The following TNC variants were observed in gnomAD, a reference collection of about 807,000 sequenced individuals.
TNC encodes the protein tenascin.
A neutral mutation model predicts 202.4 loss-of-function variants in TNC; 109 were observed. The observed-to-expected ratio is 0.54, with a 90% CI of 0.46 to 0.63. TNC has a LOEUF of 0.63. Among genes scored for constraint, TNC ranks in the 30% least tolerant of loss-of-function variants. The probability of loss-of-function intolerance (pLI) is 0.00; values close to 1 mark genes in which losing one functional copy is unlikely to be tolerated. For synonymous variants in TNC, 1,007 were observed against 1,089.7 expected, an observed-to-expected ratio of 0.92 and a Z score of 1.50; for missense variants, 2,756 against 2,833.3, an observed-to-expected ratio of 0.97 and a Z score of 0.62.
intron 14 of TNC, 137 bp from the exon 15 acceptor site, chr9:115,057,562 G>T: frequency 1.0e-6 from 1 of 962,656 alleles, no homozygotes; most frequent in Non-Finnish European, 1.5e-6. Flanking sequence ...ATGGAAGGAA[G>T]CAATGTTACC....
intron 13 of TNC, 55 bp from the exon 14 acceptor site, chr9:115,060,057 C>G (rs1485109771): frequency 3.3e-6 from 5 of 1,505,330 alleles, no homozygotes; most frequent in Middle Eastern, 1.8e-4. Flanking sequence ...ATGAGGAAAC[C>G]AAACATCCCA....
chr9:115,057,830 C>A (rs1234293530), intron 14 of TNC, among the ~76,000 whole-genome samples: 1 of 152,218 alleles, frequency 6.6e-6, no homozygotes, highest in Non-Finnish European at 1.5e-5. Flanking sequence ...ATTAAGGAAA[C>A]CAAGATTACT....
chr9:115,065,014 G>C (rs367898180), intron 10 of TNC, 95 bp from the exon 11 acceptor site: 2 of 1,415,244 alleles, frequency 1.4e-6, no homozygotes, highest in East Asian at 2.3e-5. Flanking sequence ...CACATCTATA[G>C]GCCATTGCAG....
In TNC at chr9:115,063,169, T is replaced by A; in HGVS notation, c.3781A>T (p.Asn1261Tyr). Residue 1261 changes from asparagine (N) to tyrosine (Y), a missense_variant, in exon 13 of 28, where the codon AAC becomes TAC. Physicochemically the swap from Asn to Tyr is moderately radical, Grantham distance 143. Transcript: ENST00000350763. ...CAGCTAACCTCGGTCACTGTGAGGTTTCCCATATCTGGAACCTCCTCTGCA... is the reference window on the plus strand; with the variant it reads ...CAGCTAACCTCGGTCACTGTGAGGTATCCCATATCTGGAACCTCCTCTGCA... ...VLTEEVPDMG[N>Y]LTVTEVSWDA... 1 of 1,614,092 alleles carries A rather than the reference T, an allele frequency of 6.2e-7. No individual in the cohort carries two copies. The highest frequency in any genetic ancestry group is 8.5e-7 in the Non-Finnish European group (1 of 1,179,956).
At chr9:115,024,240 G>T in intron 26 of TNC, 104 bp from the exon 27 acceptor site, 1 of 1,230,442 alleles carries the variant, frequency 8.1e-7, no homozygotes, top group Non-Finnish European at 1.2e-6. Context: ...TTCTGGGTGT[G>T]GGACTGGCCT....
chr9:115,064,560 C>T (rs1433877525), intron 11 of TNC, 87 bp downstream of exon 11: 1 of 1,470,840 alleles, frequency 6.8e-7, no homozygotes, highest in Non-Finnish European at 9.2e-7. Flanking sequence ...CAGAACAAGT[C>T]CATTCCAAAG....
rs540154942 is a variant in TNC at position 115,053,158 on chromosome 9, C to A, written c.4579+3995G>T. 14 of 593,048 alleles carry A rather than the reference C, an allele frequency of 2.4e-5. No homozygotes were observed. The East Asian group carries it at 3.0e-4, about 13-fold the overall frequency. The allele number at this position is 593,048 out of a possible 1,614,324, so 36.7% of individuals were successfully genotyped here. A position where few individuals can be genotyped will look rare whatever the true frequency, so the allele number is the denominator to read the frequency against. Reference sequence around the variant, plus strand: ...GAGACAGTATGTTAGGCTGTGTCTACACCTGCATTGAATATGATGATAGAA... The same window carrying A: ...GAGACAGTATGTTAGGCTGTGTCTAAACCTGCATTGAATATGATGATAGAA... On this transcript the variant is annotated intron_variant, in intron 15 of 27. Coordinates refer to ENST00000350763, the MANE Select transcript of TNC (RefSeq NM_002160.4).
chr9:115,076,062 T>C lies in TNC; in HGVS notation c.2920A>G (p.Ser974Gly), dbSNP rs1433644122. Residue 974 changes from serine to glycine, a missense_variant, in exon 9 of 28, where the codon AGC (serine) becomes GGC (glycine). Ser to Gly is a moderately conservative substitution (Grantham distance 56, BLOSUM62 0). This residue lies in a region of TNC where 2,559 missense variants were observed against 2,546.0 expected (regional missense o/e 1.01). Transcript: ENST00000350763. ...GCTGCGTTGATGGTCGCTGGATTGCTCTCCTTGTCTTCCTTCACAGCAGAA... is the reference window on the plus strand; with the variant it reads ...GCTGCGTTGATGGTCGCTGGATTGCCCTCCTTGTCTTCCTTCACAGCAGAA... Reference protein sequence around the residue: ...GVSAVKEDKESNPATINAATE... With the variant: ...GVSAVKEDKEGNPATINAATE... The C allele has an allele frequency of 1.9e-6, 3 of 1,614,144 alleles. No individual in the cohort carries two copies. Among genetic ancestry groups the C allele is most frequent in the Admixed American group, 3.3e-5 (2 of 60,028 alleles).
intron 1 of TNC, among the ~76,000 whole-genome samples, chr9:115,097,536 C>T (rs997913468): frequency 2.0e-5 from 3 of 152,046 alleles, no homozygotes; most frequent in Non-Finnish European, 4.4e-5. Context: ...AGAAAGACAT[C>T]TCAAAAAAGT....
intron 1 of TNC, among the ~76,000 whole-genome samples, chr9:115,110,853 C>T (rs986769995): frequency 6.6e-6 from 1 of 150,718 alleles, no homozygotes; most frequent in South Asian, 2.1e-4. Flanking sequence ...TAAATAAAAA[C>T]TAGTCCACTT....
At chr9:115,030,218 A>C (rs1275356406) in intron 24 of TNC, 36 bp downstream of exon 24, 14 of 1,571,574 alleles carry the variant, frequency 8.9e-6, no homozygotes, top group Non-Finnish European at 1.2e-5. Flanking sequence ...CTCTTCCCCT[A>C]GGCCTGAGGG....
At chr9:115,042,666 A>C (rs528619049) in intron 17 of TNC, among the ~76,000 whole-genome samples, 1 of 152,288 alleles carries the variant, frequency 6.6e-6, no homozygotes, top group East Asian at 1.9e-4. Flanking sequence ...TTTGATTTTT[A>C]ACATTTTCTT....
chr9:115,030,210 C>A, intron 24 of TNC, 44 bp downstream of exon 24: 1 of 1,553,064 alleles, frequency 6.4e-7, no homozygotes. Flanking sequence ...CCCTCTCCCT[C>A]TTCCCCTAGG....
At chr9:115,092,189 T>C (rs1356834012) in intron 1 of TNC, among the ~76,000 whole-genome samples, 2 of 151,958 alleles carry the variant, frequency 1.3e-5, no homozygotes, top group Non-Finnish European at 2.9e-5. Context: ...AAAGGAATGG[T>C]CAAGAGAAAG....
At chr9:115,034,157 G>A (rs563231790) in intron 22 of TNC, among the ~76,000 whole-genome samples, 10 of 152,326 alleles carry the variant, frequency 6.6e-5, no homozygotes, top group East Asian at 3.9e-4. Context: ...GAGGAAGTCC[G>A]GATTCAAATC....
At chr9:115,089,590 C>G (rs1361979284) in intron 2 of TNC, among the ~76,000 whole-genome samples, 4 of 151,966 alleles carry the variant, frequency 2.6e-5, no homozygotes, top group Admixed American at 2.6e-4. Context: ...AACCTCTGCC[C>G]CTCGGTTTCA....
intron 27 of TNC, among the ~76,000 whole-genome samples, chr9:115,023,037 C>CG (rs1829205921): frequency 8.2e-6 from 1 of 122,170 alleles, no homozygotes; most frequent in Non-Finnish European, 1.8e-5. Context: ...TGCAAATATG[C>CG]AAAAAAAAAA....
chr9:115,039,404 T>C (rs1342693975), intron 19 of TNC, among the ~76,000 whole-genome samples: 1 of 152,236 alleles, frequency 6.6e-6, no homozygotes. Context: ...TTAAGATCTC[T>C]ATTAAAGGTA....
At chr9:115,037,523 T>C (rs1830422618) in intron 20 of TNC, among the ~76,000 whole-genome samples, 1 of 152,100 alleles carries the variant, frequency 6.6e-6, no homozygotes, top group Non-Finnish European at 1.5e-5. Flanking sequence ...ATTTATTTAT[T>C]TATTTTTTAT....
Sources: gnomAD v4.1 joint callset for allele counts (sites outside exome capture counted in the v4.1 genomes callset) on GRCh38, gnomAD v4.1.1 for gene constraint, gnomAD v4.1.1 regional missense constraint, MANE v1.5 for transcripts, NCBI Gene and HGNC (gene_info 2026-07-23, HGNC 2026-07-21) for gene names.